Variants in RABGAP1L observed in about 807,000 individuals in gnomAD.
RABGAP1L encodes RAB GTPase activating protein 1 like.
Under a neutral mutation model 137.7 loss-of-function variants are expected in RABGAP1L, and 63 were observed. The ratio of observed to expected loss-of-function variants is 0.46; its 90% CI spans 0.37 to 0.56. The LOEUF is 0.56. Ranked by LOEUF, RABGAP1L falls within the 20% of genes least tolerant of loss-of-function variation. The probability of loss-of-function intolerance (pLI) is 0.00; values close to 1 mark genes in which losing one functional copy is unlikely to be tolerated. For missense variants in RABGAP1L, 1,095 were observed against 1,244.0 expected, an observed-to-expected ratio of 0.88 and a Z score of 1.80; for synonymous variants, 431 against 433.7, an observed-to-expected ratio of 0.99 and a Z score of 0.08.
At chr1:174,618,105 G>A (rs940618133) in intron 13 of RABGAP1L, among the ~76,000 whole-genome samples, 4 of 152,168 alleles carry the variant, frequency 2.6e-5, no homozygotes, top group African/African-American at 7.2e-5. Flanking sequence ...AGGGGCGCCC[G>A]CCATTGCTGA....
chr1:174,242,241 T>C (rs1427937721), intron 5 of RABGAP1L, among the ~76,000 whole-genome samples: 3 of 152,244 alleles, frequency 2.0e-5, no homozygotes, highest in African/African-American at 7.2e-5. Context: ...AGTAAGTTTT[T>C]TTATAGAAAT....
chr1:174,252,952 A>G (rs1672832681), intron 7 of RABGAP1L, among the ~76,000 whole-genome samples: 1 of 152,210 alleles, frequency 6.6e-6, no homozygotes, highest in Non-Finnish European at 1.5e-5. Flanking sequence ...AGATAGATAC[A>G]TATTTTTAAA....
At chr1:174,635,849 A>T (rs1212037722) in intron 13 of RABGAP1L, among the ~76,000 whole-genome samples, 1 of 152,210 alleles carries the variant, frequency 6.6e-6, no homozygotes, top group Non-Finnish European at 1.5e-5. Flanking sequence ...CTTACCTTAG[A>T]GCTAATCAAC....
At chr1:174,944,142 G>T (rs541343588) in intron 19 of RABGAP1L, among the ~76,000 whole-genome samples, 12 of 151,462 alleles carry the variant, frequency 7.9e-5, no homozygotes, top group Non-Finnish European at 1.2e-4. Flanking sequence ...GTGTGGTGGT[G>T]TGCACCTGTA....
At chr1:174,844,573 C>T (rs1449827529) in intron 19 of RABGAP1L, among the ~76,000 whole-genome samples, 3 of 114,704 alleles carry the variant, frequency 2.6e-5, no homozygotes, top group Non-Finnish European at 3.6e-5. Context: ...TGTTCTGTTC[C>T]ATTGATCTAT....
At chr1:174,778,239 G>A (rs553641832) in intron 18 of RABGAP1L, among the ~76,000 whole-genome samples, 1 of 152,292 alleles carries the variant, frequency 6.6e-6, no homozygotes, top group South Asian at 2.1e-4. Flanking sequence ...AACAGTGCCA[G>A]CAATAAGACA....
intron 14 of RABGAP1L, among the ~76,000 whole-genome samples, chr1:174,665,859 G>A (rs967364938): frequency 1.3e-5 from 2 of 152,174 alleles, no homozygotes; most frequent in Admixed American, 6.5e-5. Context: ...GTAAATAAAT[G>A]GAACAGTAGA....
intron 19 of RABGAP1L, among the ~76,000 whole-genome samples, chr1:174,825,505 G>C (rs906794725): frequency 1.3e-5 from 2 of 152,200 alleles, no homozygotes; most frequent in Non-Finnish European, 2.9e-5. Flanking sequence ...CATGTCTGCT[G>C]TTTTACATCT....
At chr1:174,678,957 G>GC (rs1463998875) in intron 14 of RABGAP1L, among the ~76,000 whole-genome samples, 1 of 152,246 alleles carries the variant, frequency 6.6e-6, no homozygotes, top group Non-Finnish European at 1.5e-5. Flanking sequence ...TGGATGGCAA[G>GC]CGAAAGCTCA....
intron 13 of RABGAP1L, among the ~76,000 whole-genome samples, chr1:174,437,333 T>C (rs1312694468): frequency 8.0e-5 from 12 of 150,352 alleles, no homozygotes; most frequent in Admixed American, 1.3e-4. Flanking sequence ...AAAAATTAGA[T>C]GAATGGATAA....
chr1:174,605,152 A>AAAACAAAC (rs59164898), intron 13 of RABGAP1L, among the ~76,000 whole-genome samples: 2 of 151,656 alleles, frequency 1.3e-5, no homozygotes, highest in Non-Finnish European at 2.9e-5. Context: ...AAACCAAACC[A>AAAACAAAC]AAACAAACAA....
intron 13 of RABGAP1L, among the ~76,000 whole-genome samples, chr1:174,544,378 T>G (rs960872260): frequency 5.3e-5 from 8 of 152,236 alleles, no homozygotes; most frequent in African/African-American, 1.7e-4. Flanking sequence ...TTTCTTCCAC[T>G]TGATTTAATC....
At chr1:174,298,111 A>C (rs1677296040) in intron 10 of RABGAP1L, among the ~76,000 whole-genome samples, 2 of 152,208 alleles carry the variant, frequency 1.3e-5, no homozygotes, top group Admixed American at 1.3e-4. Flanking sequence ...TTAAAGGGGA[A>C]CAGACTGAAG....
At position 174,221,077 on chromosome 1, in the gene RABGAP1L, G is replaced by C; in HGVS notation, c.244G>C (p.Glu82Gln). 6.2e-7 allele frequency: 1 copy of C among 1,613,934 alleles called. No homozygotes were observed. Among genetic ancestry groups the C allele is most frequent in the Non-Finnish European group, 8.5e-7 (1 of 1,179,926 alleles). The change falls in exon 3 of 26, where the codon GAG becomes CAG. Residue 82 changes from glutamate to glutamine, a missense_variant. This residue lies in a region of RABGAP1L where 356 missense variants were observed against 326.3 expected (regional missense o/e 1.09). Transcript: ENST00000681986. ...SLLVDCQSSS[E>Q]ISDHSFGDIP... ...TCTTGTTGATTGTCAAAGTTCCAGT[G>C]AGATTTCAGACCATTCGTTTGGAGA...
chr1:174,810,454 T>G (rs1201473082), intron 18 of RABGAP1L, among the ~76,000 whole-genome samples: 1 of 152,178 alleles, frequency 6.6e-6, no homozygotes, highest in Non-Finnish European at 1.5e-5. Flanking sequence ...TGGACCAGGG[T>G]GGTGATGACG....
rs1553254333 is a variant in RABGAP1L, at chr1:174,799,978, ACT to A, written c.2212-11850_2212-11849del. 3 of 974,376 alleles carry A rather than the reference ACT, an allele frequency of 3.1e-6. No individual in the cohort carries two copies. The African/African-American group carries it at 5.9e-5, about 19-fold the overall frequency. The allele number at this position is 974,376 out of a possible 1,614,324, so 60.4% of individuals were successfully genotyped here. ...CACACACACACACACACACACACAC[ACT>A]CTCACACATTCTCACATGCTAGACC... On this transcript the variant is annotated intron_variant, in intron 18 of 25. Coordinates refer to ENST00000681986, the MANE Select transcript of RABGAP1L (RefSeq NM_001366446.1).
chr1:174,391,232 A>T (rs1186095169), intron 12 of RABGAP1L, among the ~76,000 whole-genome samples: 3 of 152,170 alleles, frequency 2.0e-5, no homozygotes, highest in African/African-American at 7.2e-5. Context: ...AGAAATAGAG[A>T]TAGTGCTTCC....
At chr1:174,519,090 TACACACACACACACAC>T (rs542053737) in intron 13 of RABGAP1L, among the ~76,000 whole-genome samples, 1 of 150,596 alleles carries the variant, frequency 6.6e-6, no homozygotes, top group African/African-American at 2.4e-5. Flanking sequence ...AATATATATA[TACACACACACACACAC>T]ATACACACAC....
In RABGAP1L at chr1:174,171,240, G is replaced by A. The variant is rs572133053; in HGVS notation, c.-34+11583G>A. Among the ~76,000 whole-genome samples, 3 of 152,218 alleles carry A rather than the reference G, an allele frequency of 2.0e-5. No individual in the cohort carries two copies. In the South Asian group the frequency reaches 6.2e-4, roughly 32 times the overall value. ...GAATATCCTCAAATTAGCGAGATAT[G>A]CCCAAAAGAGCTTTTTAATTTTATT... On this transcript the variant is annotated intron_variant, in intron 1 of 25. Coordinates refer to ENST00000681986, the MANE Select transcript of RABGAP1L (RefSeq NM_001366446.1).
Sources: allele counts gnomAD v4.1 joint callset (sites outside exome capture counted in the v4.1 genomes callset), GRCh38; gene constraint gnomAD v4.1.1; regional missense constraint gnomAD v4.1.1; transcripts MANE v1.5; gene names NCBI Gene and HGNC (gene_info 2026-07-23, HGNC 2026-07-21).